FAF1: variants seen among roughly 807,000 people sequenced by gnomAD.
FAF1 encodes the protein Fas associated factor 1.
A neutral mutation model predicts 92.5 loss-of-function variants in FAF1; 25 were observed. That is an observed-to-expected ratio of 0.27 (90% CI 0.20 to 0.38). FAF1 has a LOEUF of 0.38. Among genes scored for constraint, FAF1 ranks in the 10% least tolerant of loss-of-function variants. The pLI, the probability that FAF1 is intolerant of heterozygous loss-of-function variation, is 1.00. For synonymous variants in FAF1, 234 were observed against 273.2 expected, an observed-to-expected ratio of 0.86 and a Z score of 1.42; for missense variants, 636 against 793.3, an observed-to-expected ratio of 0.80 and a Z score of 2.38.
At chr1:50,682,424 T>C (rs896500496) in intron 7 of FAF1, among the ~76,000 whole-genome samples, 1 of 152,028 alleles carries the variant, frequency 6.6e-6, no homozygotes, top group African/African-American at 2.4e-5. Flanking sequence ...AACTGATTGA[T>C]TGAGCAGGGA....
intron 1 of FAF1, among the ~76,000 whole-genome samples, chr1:50,859,542 G>T (rs967772044): frequency 2.0e-5 from 3 of 151,630 alleles, no homozygotes; most frequent in African/African-American, 7.3e-5. Context: ...CTAGGAATGT[G>T]GTTAACCAAG....
intron 6 of FAF1, among the ~76,000 whole-genome samples, chr1:50,732,929 C>T (rs1359930199): frequency 1.3e-5 from 2 of 150,586 alleles, no homozygotes; most frequent in Non-Finnish European, 3.0e-5. Flanking sequence ...TTATTTATAA[C>T]ACTTATATTT....
At chr1:50,952,648 C>T (rs1278833053) in intron 1 of FAF1, among the ~76,000 whole-genome samples, 3 of 152,028 alleles carry the variant, frequency 2.0e-5, no homozygotes, top group Admixed American at 6.6e-5. Flanking sequence ...GCCGCCATCC[C>T]GTCTAGGAAG....
chr1:50,460,137 A>C (rs773703465), intron 18 of FAF1, among the ~76,000 whole-genome samples: 1 of 152,170 alleles, frequency 6.6e-6, no homozygotes, highest in Admixed American at 6.5e-5. Context: ...AAACTCTTCC[A>C]TATTTTTTCA....
chr1:50,886,699 G>A (rs1400454053), intron 1 of FAF1, among the ~76,000 whole-genome samples: 1 of 152,114 alleles, frequency 6.6e-6, no homozygotes, highest in East Asian at 1.9e-4. Flanking sequence ...CCCTACAAAG[G>A]ACATGAACTC....
chr1:50,603,117 G>A (rs114101649), intron 8 of FAF1, among the ~76,000 whole-genome samples: 1,985 of 152,118 alleles, frequency 0.013, 43 homozygotes, highest in African/African-American at 0.044. Flanking sequence ...GTATCCAATC[G>A]AACAACTATT....
chr1:50,791,821 T>C (rs918929134), intron 3 of FAF1, among the ~76,000 whole-genome samples: 2 of 152,204 alleles, frequency 1.3e-5, no homozygotes, highest in Non-Finnish European at 2.9e-5. Flanking sequence ...ACCTTAAATT[T>C]CCTCTGCTGA....
chr1:50,669,119 A>C (rs1367287403), intron 7 of FAF1, among the ~76,000 whole-genome samples: 1 of 152,156 alleles, frequency 6.6e-6, no homozygotes, highest in African/African-American at 2.4e-5. Context: ...CCCTACACTA[A>C]ATTTAAAGCA....
At chr1:50,475,440 C>T (rs769175782) in intron 18 of FAF1, 24 bp downstream of exon 18, 3 of 1,568,436 alleles carry the variant, frequency 1.9e-6, no homozygotes, top group Non-Finnish European at 2.6e-6. Flanking sequence ...GGATATACTT[C>T]CTGAGATAGG....
intron 1 of FAF1, among the ~76,000 whole-genome samples, chr1:50,885,378 TA>T (rs886577746): frequency 6.6e-6 from 1 of 151,784 alleles, no homozygotes; most frequent in African/African-American, 2.4e-5. Context: ...GCCCCAGTGT[TA>T]GATGCATATA....
At chr1:50,554,388 T>TAGAGAGAGAGAGAGAGAG (rs559745248) in intron 13 of FAF1, among the ~76,000 whole-genome samples, 7 of 100,692 alleles carry the variant, frequency 7.0e-5, no homozygotes, top group African/African-American at 2.1e-4. Flanking sequence ...TATATATATA[T>TAGAGAGAGAGAGAGAGAG]ATAGAGAGAG....
At chr1:50,454,592 C>T (rs971614430) in intron 18 of FAF1, among the ~76,000 whole-genome samples, 2 of 152,212 alleles carry the variant, frequency 1.3e-5, no homozygotes, top group Admixed American at 1.3e-4. Flanking sequence ...CGGACTAATA[C>T]CTTTATTTCA....
At chr1:50,832,341 T>C (rs1185629566) in intron 2 of FAF1, among the ~76,000 whole-genome samples, 1 of 152,064 alleles carries the variant, frequency 6.6e-6, no homozygotes, top group Non-Finnish European at 1.5e-5. Context: ...CACTGTCCAG[T>C]ACTGGCACAG....
At chr1:50,538,748 CT>C (rs1323323730) in intron 14 of FAF1, among the ~76,000 whole-genome samples, 3 of 152,106 alleles carry the variant, frequency 2.0e-5, no homozygotes, top group African/African-American at 2.4e-5. Context: ...ATCAGTTCCC[CT>C]GGAGGTCTTT....
intron 2 of FAF1, among the ~76,000 whole-genome samples, chr1:50,810,411 G>T (rs1345552031): frequency 6.6e-6 from 1 of 152,002 alleles, no homozygotes; most frequent in African/African-American, 2.4e-5. Context: ...AACAAACTAG[G>T]CACTGAAGGA....
At chr1:50,953,366 G>C (rs143446041) in intron 1 of FAF1, among the ~76,000 whole-genome samples, 10,025 of 150,882 alleles carry the variant, frequency 0.066, 405 homozygotes, top group East Asian at 0.095. Context: ...CCCCCTCTCC[G>C]AGAAACACCC....
chr1:50,905,140 G>A (rs972306308), intron 1 of FAF1, among the ~76,000 whole-genome samples: 2 of 152,080 alleles, frequency 1.3e-5, no homozygotes, highest in African/African-American at 4.8e-5. Context: ...TGTGGTGTCT[G>A]TTTTACTGTA....
chr1:50,780,473 C>G (rs1661132117), intron 4 of FAF1: 1 of 178,360 alleles, frequency 5.6e-6, no homozygotes, highest in Non-Finnish European at 1.2e-5. Context: ...TCCCATGGAG[C>G]ACACAACACC....
chr1:50,726,569 C>T (rs958393790), intron 6 of FAF1, among the ~76,000 whole-genome samples: 1 of 152,078 alleles, frequency 6.6e-6, no homozygotes, highest in African/African-American at 2.4e-5. Flanking sequence ...GCAGCTCACG[C>T]CTGTAATCCC....
Sources: gnomAD v4.1 joint callset for allele counts (sites outside exome capture counted in the v4.1 genomes callset) on GRCh38, gnomAD v4.1.1 for gene constraint, MANE v1.5 for transcripts, NCBI Gene and HGNC (gene_info 2026-07-23, HGNC 2026-07-21) for gene names.